The following MEGF6 variants were observed in gnomAD, a reference collection of about 807,000 sequenced individuals.
MEGF6 encodes the protein multiple epidermal growth factor-like domains protein 6.
In MEGF6, 184 loss-of-function variants were observed where a neutral mutation model predicts 207.1. That is an observed-to-expected ratio of 0.89 (90% CI 0.79 to 1.00). The LOEUF (loss-of-function observed/expected upper bound fraction) is 1.00, where lower values mean the gene tolerates loss of function less well. MEGF6 is among the 50% of genes least tolerant of loss of function. MEGF6 has a pLI of 0.00. For missense variants in MEGF6, 2,282 were observed against 2,202.9 expected, an observed-to-expected ratio of 1.04 and a Z score of -0.72; for synonymous variants, 1,038 against 910.0, an observed-to-expected ratio of 1.14 and a Z score of -2.53.
intron 3 of MEGF6, among the ~76,000 whole-genome samples, chr1:3,582,303 C>A (rs1418625561): frequency 6.6e-6 from 1 of 152,206 alleles, no homozygotes; most frequent in African/African-American, 2.4e-5. Flanking sequence ...GCGCACACAG[C>A]GAATCCTCCC....
intron 34 of MEGF6, 176 bp from the exon 35 acceptor site, chr1:3,492,943 T>G: frequency 1.3e-6 from 1 of 765,550 alleles, no homozygotes; most frequent in South Asian, 1.9e-5. Context: ...AAACAGTCCC[T>G]GCCCTGCCTT....
intron 21 of MEGF6, among the ~76,000 whole-genome samples, 198 bp downstream of exon 21, chr1:3,500,435 G>A (rs1325607055): frequency 6.6e-6 from 1 of 152,268 alleles, no homozygotes; most frequent in Non-Finnish European, 1.5e-5. Flanking sequence ...GCCAGGCCAG[G>A]GCCCAGCCGC....
rs745468263 is a variant in MEGF6 at position 3,501,219 on chromosome 1, A to G, written c.2404T>C (p.Cys802Arg). 8 of 1,612,052 alleles carry G rather than the reference A, an allele frequency of 5.0e-6. No individual in the cohort carries two copies. In the African/African-American group the frequency reaches 6.7e-5, roughly 13 times the overall value. ...CCGACGAAGCCAGGGAGGCACAGGC[A>G]GGCTCCGGTCTCAGGGTCGCAGCGG... ...AARCDPETGA[C>R]LCLPGFVGSR... The change falls in exon 19 of 37, where the codon TGC becomes CGC. Residue 802 changes from cysteine (C) to arginine (R), a missense_variant. Coordinates refer to ENST00000356575, the MANE Select transcript of MEGF6 (RefSeq NM_001409.4).
chr1:3,597,291 GC>G (rs1390763729), intron 2 of MEGF6, among the ~76,000 whole-genome samples: 3 of 152,106 alleles, frequency 2.0e-5, no homozygotes, highest in Non-Finnish European at 4.4e-5. Flanking sequence ...GGATCCGCCT[GC>G]CCACCCTGCC....
At chr1:3,540,747 C>T (rs12562983) in intron 4 of MEGF6, among the ~76,000 whole-genome samples, 4,543 of 152,302 alleles carry the variant, frequency 0.03, 114 homozygotes, top group South Asian at 0.087. Context: ...CCACTCCCTC[C>T]GATCTTTTCT....
At chr1:3,524,329 C>G (rs1466515278) in intron 4 of MEGF6, 83 bp from the exon 5 acceptor site, 3 of 1,551,824 alleles carry the variant, frequency 1.9e-6, no homozygotes, top group Non-Finnish European at 2.6e-6. Flanking sequence ...TGCCGGGGGC[C>G]CAGACCCAGG....
chr1:3,575,617 G>A (rs571194532), intron 4 of MEGF6, among the ~76,000 whole-genome samples: 31 of 103,364 alleles, frequency 3.0e-4, no homozygotes, highest in Non-Finnish European at 4.2e-4. Context: ...CAGAAGGCAA[G>A]GAGGAGCAAG....
intron 1 of MEGF6, among the ~76,000 whole-genome samples, chr1:3,603,453 A>T (rs1326245375): frequency 6.6e-6 from 1 of 152,096 alleles, no homozygotes; most frequent in Non-Finnish European, 1.5e-5. Context: ...ACAAGGCTCC[A>T]GTGCTCGTGT....
At position 3,542,950 on chromosome 1, in the gene MEGF6, G is replaced by A. The variant is rs116562220; in HGVS notation, c.482-18704C>T. ...CCCCAGGGCCTGCCAGCTCTGGCAC[G>A]CACAGGCCTGAGCCCACCTGCCCAG... On this transcript the variant is annotated intron_variant, in intron 4 of 36. Transcript: ENST00000356575. Among the ~76,000 whole-genome samples, 891 of 152,184 alleles carry A rather than the reference G, an allele frequency of 5.9e-3. 9 individuals carry two copies. Among genetic ancestry groups the A allele is most frequent in the African/African-American group, 0.021 (869 of 41,532 alleles).
intron 4 of MEGF6, among the ~76,000 whole-genome samples, chr1:3,552,526 T>G (rs1642918917): frequency 6.6e-6 from 1 of 152,158 alleles, no homozygotes; most frequent in Admixed American, 6.5e-5. Flanking sequence ...TGAGATCCCG[T>G]CTCTACAAAA....
rs74391349 is a variant in MEGF6 at position 3,603,903 on chromosome 1, G to C, written c.132-1303C>G. ...TTATTTTTCCTCTTTCCTGGGGCTCGTGCTGTGTGGGAAGCCCTGTGTCCC... is the reference window on the plus strand; with the variant it reads ...TTATTTTTCCTCTTTCCTGGGGCTCCTGCTGTGTGGGAAGCCCTGTGTCCC... On this transcript the variant is annotated intron_variant, in intron 1 of 36. Transcript: ENST00000356575. 2.8e-3 allele frequency among the ~76,000 whole-genome samples: 422 copies of C among 152,314 alleles called. 1 individual carries two copies. The highest frequency in any genetic ancestry group is 9.4e-3 in the African/African-American group (389 of 41,568).
At position 3,509,979 on chromosome 1, in the gene MEGF6, G is replaced by T; in HGVS notation, c.1248C>A (p.Cys416Ter). 1 of 1,585,798 alleles carries T rather than the reference G, an allele frequency of 6.3e-7. No individual in the cohort carries two copies. ...DGCGCEDVDE[C>*]ASSRGGCEHH... ...GCTCGCAGCCGCCACGGCTGGAGGC[G>T]CACTCATCCACATCTGCGGGCGACC... Residue 416 changes from cysteine to a stop codon, truncating the protein, a stop_gained, in exon 11 of 37, where the codon TGC (cysteine) becomes TGA (stop). Coordinates refer to ENST00000356575, the MANE Select transcript of MEGF6 (RefSeq NM_001409.4). LOFTEE classifies it high-confidence loss of function.
intron 3 of MEGF6, among the ~76,000 whole-genome samples, chr1:3,584,690 G>A (rs543844060): frequency 6.6e-6 from 1 of 152,374 alleles, no homozygotes; most frequent in South Asian, 2.1e-4. Context: ...AGGGGACAGG[G>A]ACGGAGCCGA....
At chr1:3,551,864 C>T (rs1340649327) in intron 4 of MEGF6, among the ~76,000 whole-genome samples, 2 of 152,190 alleles carry the variant, frequency 1.3e-5, no homozygotes, top group Admixed American at 6.5e-5. Context: ...ACTTGTAAAA[C>T]CCCTGTCACC....
At chr1:3,509,313 G>A in intron 11 of MEGF6, 68 bp from the exon 12 acceptor site, 1 of 1,358,138 alleles carries the variant, frequency 7.4e-7, no homozygotes, top group South Asian at 1.6e-5. Context: ...CCCCCGGCGG[G>A]TAGGGCTGGG....
chr1:3,524,262 G>T lies in MEGF6; in HGVS notation c.482-16C>A, dbSNP rs753264809. The T allele has an allele frequency of 2.5e-6, 4 of 1,602,464 alleles. No individual in the cohort carries two copies. Among genetic ancestry groups the T allele is most frequent in the Non-Finnish European group, 3.4e-6 (4 of 1,171,302 alleles). On this transcript the variant is annotated splice_polypyrimidine_tract_variant and intron_variant, in intron 4 of 36. Transcript: ENST00000356575. The stretch of plus-strand genomic sequence containing the variant: ...TCGTCCACATCTGAGCAGGAATGGG[G>T]AAGGATCAGCAGCTGGGCACCTGTG...
At chr1:3,497,644 G>A (rs2100882846) in intron 26 of MEGF6, 4 of 615,222 alleles carry the variant, frequency 6.5e-6, no homozygotes, top group Middle Eastern at 2.6e-4. Context: ...GACAGATAGG[G>A]CTGAGAGCTC....
Position 3,499,235 on chromosome 1 carries a change from G to A in MEGF6, c.2997C>T (p.Cys999=). 6.2e-7 allele frequency: 1 copy of A among 1,606,176 alleles called. No individual in the cohort carries two copies. The highest frequency in any genetic ancestry group is 2.2e-5 in the East Asian group (1 of 44,652). Residue 999 remains cysteine, a synonymous_variant, in exon 24 of 37, where the codon TGC becomes TGT. Transcript: ENST00000356575. ...CGTTAAAGCAGGCACAGGCCTGGCT[G>A]CAATTGTGCCCGTAGGTGTGGGCTG... The part of the protein sequence containing the change: ...TCPAHTYGHN[C]SQACACFNGA...
chr1:3,556,349 G>A lies in MEGF6; in HGVS notation c.481+23476C>T, dbSNP rs1557774073. Among the ~76,000 whole-genome samples, 2 of 152,170 alleles carry A rather than the reference G, an allele frequency of 1.3e-5. No homozygotes were observed. The highest frequency in any genetic ancestry group is 2.4e-5 in the African/African-American group (1 of 41,426). On this transcript the variant is annotated intron_variant, in intron 4 of 36. Transcript: ENST00000356575. The surrounding 1 kb of genome is among the most constrained non-coding windows in gnomAD (Gnocchi z 4.4). ...CCCATGAGCTCCCAGAGGTGACAAC[G>A]TCACACTCATTACATGAAGTTTCAT...
Sources: gnomAD v4.1 joint callset for allele counts (sites outside exome capture counted in the v4.1 genomes callset) on GRCh38, gnomAD v4.1.1 for gene constraint, Gnocchi (gnomAD v3.1) non-coding constraint, MANE v1.5 for transcripts, NCBI Gene and HGNC (gene_info 2026-07-23, HGNC 2026-07-21) for gene names.